Variants in PHLPP2 observed in about 807,000 individuals in gnomAD.
PHLPP2 encodes the protein PH domain leucine-rich repeat-containing protein phosphatase 2.
In PHLPP2, 66 loss-of-function variants were observed where a neutral mutation model predicts 124.9. The observed-to-expected ratio is 0.53, with a 90% CI of 0.43 to 0.65. The LOEUF (loss-of-function observed/expected upper bound fraction) is 0.65, where lower values mean the gene tolerates loss of function less well. Among genes scored for constraint, PHLPP2 ranks in the 30% least tolerant of loss-of-function variants. The pLI is 0.00. For synonymous variants in PHLPP2, 681 were observed against 624.7 expected, an observed-to-expected ratio of 1.09 and a Z score of -1.34; for missense variants, 1,685 against 1,600.4, an observed-to-expected ratio of 1.05 and a Z score of -0.90.
intron 8 of PHLPP2, chr16:71,677,031 A>ACCGGG: frequency 4.4e-6 from 1 of 228,526 alleles, no homozygotes. Context: ...GGCATGAGCC[A>ACCGGG]CCGTGCCCGG....
intron 2 of PHLPP2, among the ~76,000 whole-genome samples, chr16:71,708,215 C>T (rs1447318293): frequency 6.6e-6 from 1 of 152,192 alleles, no homozygotes; most frequent in Non-Finnish European, 1.5e-5. Flanking sequence ...GAATGTCAAG[C>T]CTCTGAGCCC....
intron 18 of PHLPP2, among the ~76,000 whole-genome samples, chr16:71,652,393 CATAGAGT>C (rs1244161257): frequency 2.6e-5 from 4 of 152,192 alleles, no homozygotes; most frequent in Non-Finnish European, 4.4e-5. Context: ...TACTACACCA[CATAGAGT>C]ATAAACACAA....
At chr16:71,688,400 T>G (rs2045073890) in intron 4 of PHLPP2, among the ~76,000 whole-genome samples, 1 of 152,240 alleles carries the variant, frequency 6.6e-6, no homozygotes, top group South Asian at 2.1e-4. Context: ...TATTTTTATT[T>G]CCAATATTCT....
chr16:71,661,302 C>T (rs780839659), intron 13 of PHLPP2, among the ~76,000 whole-genome samples: 3 of 151,982 alleles, frequency 2.0e-5, no homozygotes, highest in African/African-American at 7.3e-5. Context: ...AACTCCTGAT[C>T]TCACGTGATC....
At chr16:71,672,186 A>G in intron 10 of PHLPP2, 76 bp downstream of exon 10, 1 of 1,068,034 alleles carries the variant, frequency 9.4e-7, no homozygotes, top group Non-Finnish European at 1.4e-6. Flanking sequence ...TTTCTTGTAC[A>G]TCAAAACTGC....
intron 1 of PHLPP2, chr16:71,723,709 T>G (rs2045413350): frequency 3.7e-6 from 3 of 813,618 alleles, no homozygotes; most frequent in Non-Finnish European, 5.3e-6. Flanking sequence ...CCTCGTTCCC[T>G]CCCTAGTCCG....
chr16:71,703,520 G>A (rs2045250531), intron 2 of PHLPP2, among the ~76,000 whole-genome samples: 1 of 151,914 alleles, frequency 6.6e-6, no homozygotes, highest in Non-Finnish European at 1.5e-5. Flanking sequence ...AAACAAAAGT[G>A]ATGAATGTGC....
intron 9 of PHLPP2, among the ~76,000 whole-genome samples, chr16:71,675,379 G>C (rs2044936617): frequency 6.6e-6 from 1 of 152,088 alleles, no homozygotes; most frequent in South Asian, 2.1e-4. Flanking sequence ...TCCATAAAAA[G>C]AATGGCCTCG....
chr16:71,700,079 C>T (rs1212180956), intron 3 of PHLPP2, among the ~76,000 whole-genome samples: 1 of 152,160 alleles, frequency 6.6e-6, no homozygotes, highest in East Asian at 1.9e-4. Context: ...AAAGAGGGGT[C>T]AAGAAAATAT....
At chr16:71,678,649 A>G in intron 8 of PHLPP2, 106 bp downstream of exon 8, 2 of 697,156 alleles carry the variant, frequency 2.9e-6, no homozygotes, top group Non-Finnish European at 5.0e-6. Context: ...CAAAACAACA[A>G]CAAAATTTTA....
chr16:71,723,942 C>A, intron 1 of PHLPP2: 1 of 443,410 alleles, frequency 2.3e-6, no homozygotes, highest in Middle Eastern at 9.7e-4. Context: ...CGCGAGCAAC[C>A]GGTGGCCCCG....
intron 2 of PHLPP2, among the ~76,000 whole-genome samples, chr16:71,708,723 T>A (rs2045302854): frequency 6.6e-6 from 1 of 152,170 alleles, no homozygotes; most frequent in Admixed American, 6.5e-5. Context: ...GAAGCGGATG[T>A]TGCAGTGAGC....
chr16:71,659,515 T>A (rs958352501), intron 13 of PHLPP2, among the ~76,000 whole-genome samples: 2 of 152,152 alleles, frequency 1.3e-5, no homozygotes, highest in Admixed American at 1.3e-4. Flanking sequence ...CCTCCCAAAG[T>A]GCTGGTATTA....
At chr16:71,658,539 T>TG in intron 14 of PHLPP2, 114 bp downstream of exon 14, 1 of 1,277,002 alleles carries the variant, frequency 7.8e-7, no homozygotes, top group South Asian at 1.5e-5. Flanking sequence ...TATTTTTCCT[T>TG]ATAAGAATAA....
chr16:71,649,188 T>C lies in PHLPP2; in HGVS notation c.3674A>G (p.Glu1225Gly), dbSNP rs2044675664. Residue 1225 changes from glutamate to glycine, a missense_variant, in exon 19 of 19, where the codon GAG (glutamate) becomes GGG (glycine). Glu to Gly is a moderately conservative substitution (Grantham distance 98, BLOSUM62 -2). Coordinates refer to ENST00000568954, the MANE Select transcript of PHLPP2 (RefSeq NM_015020.3). ...GGAGGTGGAGGGAGACTTCTGTAAC[T>C]CCATCCTGTCCTTGCTCATTGGCAG... ...MLLPMSKDRMELQKSPSTSCL... is the reference protein window; with the variant it reads ...MLLPMSKDRMGLQKSPSTSCL... 6.2e-7 allele frequency: 1 copy of C among 1,613,978 alleles called. No individual in the cohort carries two copies. The highest frequency in any genetic ancestry group is 1.3e-5 in the African/African-American group (1 of 74,896).
Position 71,655,282 on chromosome 16 carries a change from T to C in PHLPP2, c.2543A>G (p.Asn848Ser), listed in dbSNP as rs1326118610. The change falls in exon 17 of 19, where the codon AAT becomes AGT. Residue 848 changes from asparagine to serine, a missense_variant. By Grantham distance (46) the Asn-to-Ser change is conservative (BLOSUM62 1). Coordinates refer to ENST00000568954, the MANE Select transcript of PHLPP2 (RefSeq NM_015020.3). ...GGTGTTAGCCATGAAAACTGTGTCATTAGTTGACTGCTGTACCTCTTCTAA... is the reference window on the plus strand; with the variant it reads ...GGTGTTAGCCATGAAAACTGTGTCACTAGTTGACTGCTGTACCTCTTCTAA... ...VLLEEVQQST[N>S]DTVFMANTFL... is the part of the protein sequence containing the mutation. 12 of 1,613,998 alleles carry C rather than the reference T, an allele frequency of 7.4e-6. No individual in the cohort carries two copies. Among genetic ancestry groups the C allele is most frequent in the Non-Finnish European group, 1.0e-5 (12 of 1,179,876 alleles).
intron 2 of PHLPP2, among the ~76,000 whole-genome samples, chr16:71,706,544 T>C (rs1351862007): frequency 6.6e-6 from 1 of 152,186 alleles, no homozygotes; most frequent in Non-Finnish European, 1.5e-5. Context: ...TGACTGCCTA[T>C]AAAGGTAAAA....
intron 5 of PHLPP2, among the ~76,000 whole-genome samples, chr16:71,683,617 G>T (rs902940140): frequency 2.6e-5 from 4 of 152,250 alleles, no homozygotes. Flanking sequence ...AGACAGTACA[G>T]AGGAAAATGC....
At chr16:71,703,976 T>C (rs548582509) in intron 2 of PHLPP2, among the ~76,000 whole-genome samples, 2 of 152,300 alleles carry the variant, frequency 1.3e-5, no homozygotes, top group East Asian at 3.9e-4. Context: ...AGTCCGTATG[T>C]GTTCAAAAGG....
Sources: gnomAD v4.1 joint callset for allele counts (sites outside exome capture counted in the v4.1 genomes callset) on GRCh38, gnomAD v4.1.1 for gene constraint, MANE v1.5 for transcripts, NCBI Gene and HGNC (gene_info 2026-07-23, HGNC 2026-07-21) for gene names.